Variants in ACOX3 observed in about 807,000 individuals in gnomAD.
The protein encoded by ACOX3 is acyl-CoA oxidase 3, pristanoyl.
ACOX3 carries 73 observed loss-of-function variants against 81.5 expected under a neutral mutation model. That is an observed-to-expected ratio of 0.90 (90% CI 0.74 to 1.09). The LOEUF is 1.09. Ranked by LOEUF, ACOX3 falls within the 50% of genes least tolerant of loss-of-function variation. The pLI is 0.00. For missense variants in ACOX3, 947 were observed against 928.0 expected (o/e 1.02, Z -0.27); for synonymous variants, 387 against 375.1 (o/e 1.03, Z -0.37).
chr4:8,365,424 G>A (rs1413629324), downstream of ACOX3, among the ~76,000 whole-genome samples: 1 of 152,242 alleles, frequency 6.6e-6, no homozygotes, highest in Non-Finnish European at 1.5e-5. Flanking sequence ...GGATGCTCCT[G>A]GGTTCGAGTG....
Position 8,437,898 on chromosome 4 carries a change from C to A in ACOX3, c.-15+2750G>T, listed in dbSNP as rs1241494422. ...ACTAGGCACCTTCTTATTAGGCTCCCAGGAGCCCATTGTCACATTAGAAGT... is the reference window on the plus strand; with the variant it reads ...ACTAGGCACCTTCTTATTAGGCTCCAAGGAGCCCATTGTCACATTAGAAGT... On this transcript the variant is annotated intron_variant, in intron 1 of 17. Transcript: ENST00000356406. The surrounding 1 kb of genome is among the most constrained non-coding windows in gnomAD (Gnocchi z 5.2). 6.6e-6 allele frequency among the ~76,000 whole-genome samples: 1 copy of A among 152,198 alleles called. No individual in the cohort carries two copies. The highest frequency in any genetic ancestry group is 1.5e-5 in the Non-Finnish European group (1 of 68,032).
In ACOX3 at chr4:8,386,669, C is replaced by T. The variant is rs1424057211; in HGVS notation, c.1537+2504G>A. Among the ~76,000 whole-genome samples, 3 of 152,136 alleles carry T rather than the reference C, an allele frequency of 2.0e-5. No individual in the cohort carries two copies. The highest frequency in any genetic ancestry group is 2.9e-5 in the Non-Finnish European group (2 of 68,030). Reference sequence around the variant, plus strand: ...CCAAAAAGGCAGGCTAAGATCTGCACGGTTAGTTACCGTCAGAAGCTGTAA... The same window carrying T: ...CCAAAAAGGCAGGCTAAGATCTGCATGGTTAGTTACCGTCAGAAGCTGTAA... On this transcript the variant is annotated intron_variant, in intron 13 of 17. Coordinates refer to ENST00000356406, the MANE Select transcript of ACOX3 (RefSeq NM_003501.3). The surrounding 1 kb of genome is among the most constrained non-coding windows in gnomAD (Gnocchi z 5.2).
intron 1 of ACOX3, among the ~76,000 whole-genome samples, chr4:8,427,228 CA>C (rs1352437213): frequency 6.6e-6 from 1 of 152,170 alleles, no homozygotes; most frequent in African/African-American, 2.4e-5. Flanking sequence ...CCTGAGAGCA[CA>C]GGGGGAGGGA....
At chr4:8,396,797 G>A (rs569584666) in intron 9 of ACOX3, 140 bp downstream of exon 9, 49 of 958,592 alleles carry the variant, frequency 5.1e-5, no homozygotes, top group African/African-American at 4.7e-4. Context: ...CTGAGATGCC[G>A]CACTCCCGCT....
rs921614118 is a variant in ACOX3, at chr4:8,386,491, G to A, written c.1537+2682C>T. ...TGAGGCAGGAGAATGGCGAGAACCT[G>A]GGAGGTGGAGCTTGCAGTGAGCCGA... On this transcript the variant is annotated intron_variant, in intron 13 of 17. Transcript: ENST00000356406. The surrounding 1 kb of genome is among the most constrained non-coding windows in gnomAD (Gnocchi z 5.2). Among the ~76,000 whole-genome samples the A allele has an allele frequency of 2.0e-5, 3 of 151,748 alleles. No individual in the cohort carries two copies.
intron 1 of ACOX3, among the ~76,000 whole-genome samples, chr4:8,421,760 T>G (rs1722972493): frequency 1.3e-5 from 2 of 152,258 alleles, no homozygotes; most frequent in Non-Finnish European, 2.9e-5. Context: ...CCCTCCCAAT[T>G]TAGATATACA....
Position 8,370,901 on chromosome 4 carries a change from C to A in ACOX3, c.1983+7G>T, listed in dbSNP as rs550247084. The A allele has an allele frequency of 4.9e-4, 789 of 1,613,390 alleles. 10 individuals are homozygous for A. In the South Asian group the frequency reaches 8.3e-3, roughly 17 times the overall value. On this transcript the variant is annotated splice_region_variant and intron_variant, in intron 17 of 17. Coordinates refer to ENST00000356406, the MANE Select transcript of ACOX3 (RefSeq NM_003501.3). The surrounding 1 kb of genome is among the most constrained non-coding windows in gnomAD (Gnocchi z 6.3). The stretch of plus-strand genomic sequence containing the variant: ...GGCACTCCCGTGAGGCCCTGTCCTC[C>A]CTTTACCTCGCCGTCGGCTCTGCCA...
At position 8,366,868 on chromosome 4, in the gene ACOX3, A is replaced by G; in HGVS notation, c.*93T>C. 3 of 1,530,356 alleles carry G rather than the reference A, an allele frequency of 2.0e-6. No individual in the cohort carries two copies. Among genetic ancestry groups the G allele is most frequent in the Middle Eastern group, 2.0e-4 (1 of 5,106 alleles). The allele number at this position is 1,530,356 out of a possible 1,614,324, so 94.8% of individuals were successfully genotyped here. ...AGGTGCGGGCTCAGAAAGCAGCAGC[A>G]ATCTCCGGCGTGTTCTGGAATCAGA... On this transcript the variant is annotated 3_prime_UTR_variant, in exon 18 of 18. Transcript: ENST00000356406.
intron 1 of ACOX3, among the ~76,000 whole-genome samples, chr4:8,424,529 T>C (rs1489845705): frequency 6.6e-6 from 1 of 152,222 alleles, no homozygotes; most frequent in East Asian, 1.9e-4. Context: ...GCAGTCTTAG[T>C]ATCTGAAGCA....
At chr4:8,383,006 AGAAAAG>A (rs1717885517) in intron 13 of ACOX3, among the ~76,000 whole-genome samples, 1 of 131,792 alleles carries the variant, frequency 7.6e-6, no homozygotes, top group Non-Finnish European at 1.6e-5. Context: ...AAAAAAAAAA[AGAAAAG>A]AAAATACCCA....
At chr4:8,356,674 G>A in the ACOX3 span, 1 of 455,880 alleles carries the variant, frequency 2.2e-6, no homozygotes, top group Non-Finnish European at 4.4e-6. Flanking sequence ...CCTGTTCCTG[G>A]CAGGTGAGGG....
chr4:8,392,068 C>T (rs1051714030), intron 11 of ACOX3, among the ~76,000 whole-genome samples: 18 of 152,226 alleles, frequency 1.2e-4, no homozygotes, highest in African/African-American at 4.3e-4. Flanking sequence ...CTGCAATGGA[C>T]CAGAGAGTAA....
rs537981076 is a variant in ACOX3 at position 8,433,244 on chromosome 4, A to T, written c.-15+7404T>A. On this transcript the variant is annotated intron_variant, in intron 1 of 17. Transcript: ENST00000356406. ...GCTCCCTAATCTCAGTGACTGTTTC[A>T]TTCAGCAGTTATTCACTATGAGATT... is the stretch of plus-strand genomic sequence containing the variant. 2.0e-5 allele frequency among the ~76,000 whole-genome samples: 3 copies of T among 152,362 alleles called. No individual in the cohort carries two copies. In the South Asian group the frequency reaches 6.2e-4, roughly 32 times the overall value.
Position 8,373,587 on chromosome 4 carries a change from T to G in ACOX3, c.1870A>C (p.Ser624Arg). ...TGGGAACACAAAGCCAGGACGGCGC[T>G]CTCCAACACTTCTCCCGCCTGCTCA... ...SGEQAGEVLE[S>R]AVLALCSQLK... The change falls in exon 16 of 18, where the codon AGC (serine) becomes CGC (arginine). Residue 624 changes from serine to arginine, a missense_variant. Coordinates refer to ENST00000356406, the MANE Select transcript of ACOX3 (RefSeq NM_003501.3). 1.2e-6 allele frequency: 2 copies of G among 1,613,714 alleles called. No homozygotes were observed. Among genetic ancestry groups the G allele is most frequent in the Non-Finnish European group, 1.7e-6 (2 of 1,179,894 alleles).
chr4:8,369,687 C>T (rs2108781936), intron 17 of ACOX3, among the ~76,000 whole-genome samples: 1 of 152,368 alleles, frequency 6.6e-6, no homozygotes. Flanking sequence ...TGGGCCCTCC[C>T]TGGCTAAGCC....
chr4:8,417,979 C>T (rs896230662), intron 1 of ACOX3, among the ~76,000 whole-genome samples: 1 of 152,204 alleles, frequency 6.6e-6, no homozygotes, highest in African/African-American at 2.4e-5. Context: ...GCTAACAAAA[C>T]TGCCTTATGA....
Position 8,389,761 on chromosome 4 carries a change from CA to C in ACOX3, c.1301-28del, listed in dbSNP as rs1349099974. On this transcript the variant is annotated intron_variant, in intron 11 of 17. Coordinates refer to ENST00000356406, the MANE Select transcript of ACOX3 (RefSeq NM_003501.3). The surrounding 1 kb of genome is among the most constrained non-coding windows in gnomAD (Gnocchi z 5.3). ...TGCAACAAAGCCACAATAGTACCAT[CA>C]TTTAAGACGCATATTTGAGAAGCAG... 6.2e-7 allele frequency: 1 copy of C among 1,610,926 alleles called. No individual in the cohort carries two copies. Among genetic ancestry groups the C allele is most frequent in the South Asian group, 1.1e-5 (1 of 90,914 alleles).
chr4:8,380,075 G>C (rs932068300), intron 14 of ACOX3, among the ~76,000 whole-genome samples: 5 of 152,154 alleles, frequency 3.3e-5, no homozygotes, highest in African/African-American at 1.2e-4. Flanking sequence ...AAGGCGGCCT[G>C]TTCTGGAAGG....
chr4:8,396,945 G>A lies in ACOX3; in HGVS notation c.1048C>T (p.Pro350Ser). The change falls in exon 9 of 18, where the codon CCA (proline) becomes TCA (serine). Residue 350 changes from proline (P) to serine (S), a missense_variant. Transcript: ENST00000356406. ...GCTTGAAAACCTCATACCTGCATTG[G>A]ATACTCAAGCACTGGTATTTCCTCC... ...EEEEIPVLEY[P>S]MQQWRLLPYL... The A allele has an allele frequency of 6.2e-7, 1 of 1,610,860 alleles. No individual in the cohort carries two copies. The highest frequency in any genetic ancestry group is 1.1e-5 in the South Asian group (1 of 90,234).
Sources: allele counts gnomAD v4.1 joint callset (sites outside exome capture counted in the v4.1 genomes callset), GRCh38; gene constraint gnomAD v4.1.1; non-coding constraint Gnocchi (gnomAD v3.1); transcripts MANE v1.5; gene names NCBI Gene and HGNC (gene_info 2026-07-23, HGNC 2026-07-21).